Variants in SCCPDH observed in about 807,000 individuals in gnomAD.
SCCPDH encodes saccharopine dehydrogenase (putative).
SCCPDH carries 34 observed loss-of-function variants against 51.5 expected under a neutral mutation model. That is an observed-to-expected ratio of 0.66 (90% CI 0.50 to 0.88). SCCPDH has a LOEUF of 0.88. Ranked by LOEUF, SCCPDH falls within the 40% of genes least tolerant of loss-of-function variation. The pLI is 0.00. For synonymous variants in SCCPDH, 187 were observed against 191.3 expected, an observed-to-expected ratio of 0.98 and a Z score of 0.19; for missense variants, 464 against 527.1, an observed-to-expected ratio of 0.88 and a Z score of 1.17.
chr1:246,748,108 A>T (rs1668789599), intron 5 of SCCPDH, among the ~76,000 whole-genome samples: 1 of 151,844 alleles, frequency 6.6e-6, no homozygotes, highest in Non-Finnish European at 1.5e-5. Flanking sequence ...TTGCTGCTCG[A>T]CTTTATCCTC....
chr1:246,724,524 G>A lies in SCCPDH; in HGVS notation c.102G>A (p.Pro34=), dbSNP rs761008613. 53 of 1,552,114 alleles carry A rather than the reference G, an allele frequency of 3.4e-5. No homozygotes were observed. Among genetic ancestry groups the A allele is most frequent in the Non-Finnish European group, 4.2e-5 (48 of 1,151,668 alleles). Residue 34 remains proline, a synonymous_variant, in exon 1 of 12, where the codon CCG becomes CCA. Coordinates refer to ENST00000366510, the MANE Select transcript of SCCPDH (RefSeq NM_016002.3). ...TEEVAREQVD[P]ERSSRLPWAV... is the part of the protein sequence containing the mutation. ...AGGTGGCCCGGGAGCAGGTGGACCC[G>A]GAGCGGAGCTCCCGCCTGCCCTGGG...
At chr1:246,761,232 GC>G (rs1669007867) in intron 9 of SCCPDH, among the ~76,000 whole-genome samples, 1 of 152,058 alleles carries the variant, frequency 6.6e-6, no homozygotes, top group Admixed American at 6.5e-5. Flanking sequence ...GCGCCACCAC[GC>G]CCGGATAATT....
intron 9 of SCCPDH, among the ~76,000 whole-genome samples, chr1:246,760,976 T>C (rs996725255): frequency 2.0e-5 from 3 of 152,188 alleles, no homozygotes; most frequent in Non-Finnish European, 4.4e-5. Flanking sequence ...CTCACTAAAA[T>C]AATTGAGAGC....
intron 9 of SCCPDH, among the ~76,000 whole-genome samples, chr1:246,762,602 G>C (rs1485498680): frequency 6.6e-6 from 1 of 152,124 alleles, no homozygotes; most frequent in Non-Finnish European, 1.5e-5. Flanking sequence ...AGCACTTTGG[G>C]AGGCTGAGGG....
At chr1:246,756,415 C>T (rs887481074) in intron 5 of SCCPDH, among the ~76,000 whole-genome samples, 3 of 152,134 alleles carry the variant, frequency 2.0e-5, no homozygotes, top group South Asian at 2.1e-4. Context: ...TTTACATGTA[C>T]GTTGGCTTCA....
At chr1:246,732,020 A>G (rs536920611) in intron 2 of SCCPDH, among the ~76,000 whole-genome samples, 2 of 152,110 alleles carry the variant, frequency 1.3e-5, no homozygotes, top group Admixed American at 6.6e-5. Context: ...AGCTTCATCC[A>G]TGTCCCTGCA....
chr1:246,758,611 C>T (rs537394717), intron 6 of SCCPDH, among the ~76,000 whole-genome samples: 11 of 152,188 alleles, frequency 7.2e-5, no homozygotes, highest in Middle Eastern at 3.4e-3. Context: ...TTAAGTACTT[C>T]GTGTGTAATA....
At chr1:246,726,865 C>G in intron 1 of SCCPDH, 27 bp from the exon 2 acceptor site, 4 of 1,495,926 alleles carry the variant, frequency 2.7e-6, no homozygotes, top group African/African-American at 1.4e-5. Flanking sequence ...CTGGGATTTA[C>G]TTTCCTTCAT....
chr1:246,727,453 C>G (rs1466161822), intron 2 of SCCPDH, among the ~76,000 whole-genome samples: 1 of 152,164 alleles, frequency 6.6e-6, no homozygotes, highest in East Asian at 1.9e-4. Context: ...GTGAAATGCA[C>G]TATTGTAGGC....
chr1:246,735,482 C>T (rs1668551514), intron 2 of SCCPDH, among the ~76,000 whole-genome samples: 1 of 152,130 alleles, frequency 6.6e-6, no homozygotes, highest in Non-Finnish European at 1.5e-5. Flanking sequence ...TTCCATCATG[C>T]CTTTATTTAT....
intron 2 of SCCPDH, 34 bp downstream of exon 2, chr1:246,727,038 ACAAT>A (rs1454799621): frequency 7.1e-7 from 1 of 1,416,018 alleles, no homozygotes; most frequent in Admixed American, 1.7e-5. Flanking sequence ...ATCAGAACAA[ACAAT>A]CCATTCATTT....
At chr1:246,756,285 T>C (rs1021666620) in intron 5 of SCCPDH, among the ~76,000 whole-genome samples, 20 of 152,184 alleles carry the variant, frequency 1.3e-4, no homozygotes, top group African/African-American at 4.8e-4. Context: ...TTGTACTGTT[T>C]AGGGATGAAT....
At chr1:246,730,742 T>C (rs1668479995) in intron 2 of SCCPDH, among the ~76,000 whole-genome samples, 1 of 152,200 alleles carries the variant, frequency 6.6e-6, no homozygotes, top group Non-Finnish European at 1.5e-5. Context: ...GAAGACTACT[T>C]GGGAGACCAC....
chr1:246,749,606 CTT>C (rs1176203004), intron 5 of SCCPDH, among the ~76,000 whole-genome samples: 2 of 152,148 alleles, frequency 1.3e-5, no homozygotes, highest in Non-Finnish European at 2.9e-5. Flanking sequence ...GGGGAAACTC[CTT>C]TAGTAAAATG....
chr1:246,731,017 G>A (rs528917424), intron 2 of SCCPDH, among the ~76,000 whole-genome samples: 19 of 152,256 alleles, frequency 1.2e-4, no homozygotes, highest in African/African-American at 3.4e-4. Flanking sequence ...CTGAGATTGC[G>A]CCATTGTATT....
chr1:246,748,465 C>T (rs1668796209), intron 5 of SCCPDH, among the ~76,000 whole-genome samples: 1 of 152,212 alleles, frequency 6.6e-6, no homozygotes, highest in African/African-American at 2.4e-5. Context: ...ATAACACAAA[C>T]ACCGCCTTTT....
At chr1:246,762,346 G>A (rs1039848578) in intron 9 of SCCPDH, among the ~76,000 whole-genome samples, 4 of 152,088 alleles carry the variant, frequency 2.6e-5, no homozygotes, top group African/African-American at 9.7e-5. Flanking sequence ...GATAGTGCAG[G>A]CTTCTGTCTC....
intron 5 of SCCPDH, among the ~76,000 whole-genome samples, chr1:246,757,699 G>C (rs1358009506): frequency 6.6e-6 from 1 of 152,204 alleles, no homozygotes; most frequent in East Asian, 1.9e-4. Flanking sequence ...TAGGAAGACA[G>C]ATCTATAACT....
intron 5 of SCCPDH, among the ~76,000 whole-genome samples, chr1:246,754,206 GT>G (rs1668896903): frequency 6.6e-6 from 1 of 152,034 alleles, no homozygotes; most frequent in African/African-American, 2.4e-5. Flanking sequence ...ACCTTGGTCT[GT>G]GCACAGAGTT....
Sources: allele counts gnomAD v4.1 joint callset (sites outside exome capture counted in the v4.1 genomes callset), GRCh38; gene constraint gnomAD v4.1.1; transcripts MANE v1.5; gene names NCBI Gene and HGNC (gene_info 2026-07-23, HGNC 2026-07-21).